The following ANKS1B variants were observed in gnomAD, a reference collection of about 807,000 sequenced individuals.
ANKS1B encodes the protein ankyrin repeat and sterile alpha motif domain-containing protein 1B.
In ANKS1B, 36 loss-of-function variants were observed where a neutral mutation model predicts 148.3. That is an observed-to-expected ratio of 0.24 (90% CI 0.19 to 0.32). ANKS1B has a LOEUF of 0.32. ANKS1B is among the 10% of genes least tolerant of loss of function. ANKS1B has a pLI of 1.00. For missense variants in ANKS1B, 1,157 were observed against 1,542.6 expected (o/e 0.75, Z 4.19); for synonymous variants, 542 against 560.8 (o/e 0.97, Z 0.47).
chr12:99,328,421 A>T (rs2086894289), intron 12 of ANKS1B, among the ~76,000 whole-genome samples: 1 of 151,962 alleles, frequency 6.6e-6, no homozygotes, highest in Admixed American at 6.6e-5. Context: ...CACCTAAAAG[A>T]ATTAGTGGCA....
intron 19 of ANKS1B, among the ~76,000 whole-genome samples, chr12:98,812,706 T>C (rs2099107294): frequency 6.6e-6 from 1 of 152,142 alleles, no homozygotes; most frequent in South Asian, 2.1e-4. Context: ...CTCGAGAAGC[T>C]GGGACTACAG....
chr12:99,926,582 T>A (rs893257659), intron 1 of ANKS1B, among the ~76,000 whole-genome samples: 2 of 152,226 alleles, frequency 1.3e-5, no homozygotes, highest in African/African-American at 4.8e-5. Context: ...CATCGCTGGC[T>A]CTCCTGGATC....
rs183486135 is a variant in ANKS1B, at chr12:99,666,174, A to C, written c.1129-10964T>G. ...TTCTACTTTGTTCTATTGACCTGTA[A>C]ATCTCTTCTTATGTGAATACCACAT... On this transcript the variant is annotated intron_variant, in intron 8 of 26. Transcript: ENST00000683438. 3.4e-3 allele frequency among the ~76,000 whole-genome samples: 519 copies of C among 152,306 alleles called. 1 individual carries two copies. Among genetic ancestry groups the C allele is most frequent in the African/African-American group, 0.011 (469 of 41,572 alleles).
At chr12:99,691,641 C>T (rs1354368019) in intron 8 of ANKS1B, among the ~76,000 whole-genome samples, 1 of 152,170 alleles carries the variant, frequency 6.6e-6, no homozygotes, top group Non-Finnish European at 1.5e-5. Flanking sequence ...TTGTCCATAT[C>T]ACTATGAGCA....
At chr12:98,756,980 C>A (rs1319533734) in intron 25 of ANKS1B, among the ~76,000 whole-genome samples, 3 of 151,712 alleles carry the variant, frequency 2.0e-5, no homozygotes, top group African/African-American at 7.3e-5. Context: ...CCATCCGCCT[C>A]GGCCTCCCAA....
At chr12:99,453,214 C>T (rs540639921) in intron 10 of ANKS1B, among the ~76,000 whole-genome samples, 124 of 152,030 alleles carry the variant, frequency 8.2e-4, no homozygotes, top group African/African-American at 2.6e-3. Flanking sequence ...GGTGTGAACC[C>T]GGGAAGCAGA....
intron 1 of ANKS1B, among the ~76,000 whole-genome samples, chr12:99,919,650 C>A (rs1473582789): frequency 6.6e-6 from 1 of 152,104 alleles, no homozygotes; most frequent in Non-Finnish European, 1.5e-5. Flanking sequence ...GTTTTGGTCA[C>A]CCCATAGGGG....
At chr12:99,711,544 G>A (rs555668505) in intron 8 of ANKS1B, among the ~76,000 whole-genome samples, 6 of 151,942 alleles carry the variant, frequency 3.9e-5, no homozygotes, top group Non-Finnish European at 8.8e-5. Context: ...GGCAAAGAAC[G>A]TGAACACTTT....
intron 9 of ANKS1B, among the ~76,000 whole-genome samples, chr12:99,593,639 G>C (rs1488200103): frequency 6.6e-6 from 1 of 151,900 alleles, no homozygotes; most frequent in East Asian, 1.9e-4. Context: ...CGATAAAGAA[G>C]GAATTATCAA....
chr12:99,530,973 C>T (rs969941566), intron 9 of ANKS1B, among the ~76,000 whole-genome samples: 1 of 152,164 alleles, frequency 6.6e-6, no homozygotes, highest in Non-Finnish European at 1.5e-5. Flanking sequence ...TAGCCTCCAT[C>T]CTGAATGACA....
chr12:98,795,125 G>GC (rs2098936234), intron 22 of ANKS1B, among the ~76,000 whole-genome samples: 1 of 152,166 alleles, frequency 6.6e-6, no homozygotes, highest in South Asian at 2.1e-4. Flanking sequence ...GCACTAGGCA[G>GC]CATTTGTATA....
intron 8 of ANKS1B, among the ~76,000 whole-genome samples, chr12:99,727,464 A>G (rs1567727819): frequency 6.6e-6 from 1 of 152,146 alleles, no homozygotes; most frequent in Non-Finnish European, 1.5e-5. Context: ...GGAGAACTAC[A>G]AACCACTGCT....
At chr12:99,794,063 T>C (rs928783551) in intron 4 of ANKS1B, among the ~76,000 whole-genome samples, 1 of 152,084 alleles carries the variant, frequency 6.6e-6, no homozygotes, top group South Asian at 2.1e-4. Flanking sequence ...AACAGGTATA[T>C]GAAAAGGTGT....
At chr12:99,790,482 G>A (rs9943776) in intron 4 of ANKS1B, among the ~76,000 whole-genome samples, 1 of 152,088 alleles carries the variant, frequency 6.6e-6, no homozygotes, top group African/African-American at 2.4e-5. Context: ...TGTAATTACG[G>A]TGTGAAAACT....
At chr12:98,820,679 A>G (rs1300949468) in intron 19 of ANKS1B, among the ~76,000 whole-genome samples, 1 of 152,208 alleles carries the variant, frequency 6.6e-6, no homozygotes, top group East Asian at 1.9e-4. Context: ...CTAACTCATA[A>G]ACATCCTTTA....
At chr12:99,665,054 G>A (rs1211069535) in intron 8 of ANKS1B, among the ~76,000 whole-genome samples, 14 of 152,006 alleles carry the variant, frequency 9.2e-5, no homozygotes, top group Admixed American at 6.6e-4. Flanking sequence ...TTCAGCTTGC[G>A]GCCATTACGA....
chr12:99,582,403 T>C (rs1460051076), intron 9 of ANKS1B, among the ~76,000 whole-genome samples: 1 of 150,944 alleles, frequency 6.6e-6, no homozygotes, highest in Non-Finnish European at 1.5e-5. Context: ...TGTACTTGAA[T>C]GTTCAAAGCA....
intron 12 of ANKS1B, among the ~76,000 whole-genome samples, chr12:99,296,547 T>C (rs2154015068): frequency 6.6e-6 from 1 of 152,326 alleles, no homozygotes; most frequent in African/African-American, 2.4e-5. Context: ...AGAGATATCT[T>C]TCCTTGATTA....
chr12:98,818,053 T>C (rs555386183), intron 19 of ANKS1B, among the ~76,000 whole-genome samples: 94 of 152,256 alleles, frequency 6.2e-4, no homozygotes, highest in Middle Eastern at 3.4e-3. Context: ...TGGCATGATA[T>C]AAATTCTAAC....
Sources: gnomAD v4.1 joint callset for allele counts (sites outside exome capture counted in the v4.1 genomes callset) on GRCh38, gnomAD v4.1.1 for gene constraint, MANE v1.5 for transcripts, NCBI Gene and HGNC (gene_info 2026-07-23, HGNC 2026-07-21) for gene names.